DCAF10: variants seen among roughly 807,000 people sequenced by gnomAD.
The protein encoded by DCAF10 is DDB1- and CUL4-associated factor 10.
In DCAF10, 19 loss-of-function variants were observed where a neutral mutation model predicts 51.9. That is an observed-to-expected ratio of 0.37 (90% CI 0.26 to 0.54). The LOEUF is 0.54. Ranked by LOEUF, DCAF10 falls within the 20% of genes least tolerant of loss-of-function variation. The pLI, the probability that DCAF10 is intolerant of heterozygous loss-of-function variation, is 0.87. For missense variants in DCAF10, 510 were observed against 730.6 expected, an observed-to-expected ratio of 0.70 and a Z score of 3.48; for synonymous variants, 291 against 297.1, an observed-to-expected ratio of 0.98 and a Z score of 0.21.
At chr9:37,860,394 T>C in intron 6 of DCAF10, 1 of 595,986 alleles carries the variant, frequency 1.7e-6, no homozygotes, top group Non-Finnish European at 2.6e-6. Context: ...TTCTTATTCC[T>C]CTCCTGCTGG....
intron 2 of DCAF10, among the ~76,000 whole-genome samples, chr9:37,825,765 T>C (rs916741118): frequency 2.0e-5 from 3 of 152,158 alleles, no homozygotes; most frequent in Non-Finnish European, 4.4e-5. Flanking sequence ...ATGCCTGTAA[T>C]CCCAGCACTT....
rs980006024 is a variant in DCAF10, at chr9:37,864,581, C to G, written c.*3073C>G. 21 of 130,930 alleles carry G rather than the reference C, an allele frequency of 1.6e-4. No individual in the cohort carries two copies. Among genetic ancestry groups the G allele is most frequent in the African/African-American group, 5.9e-4 (19 of 32,032 alleles). 8.1% of individuals were successfully genotyped at this position (130,930 alleles called of 1,614,324 possible). On this transcript the variant is annotated 3_prime_UTR_variant, in exon 7 of 7. Coordinates refer to ENST00000377724, the MANE Select transcript of DCAF10 (RefSeq NM_024345.5). ...CCTGACCAGCAGAGCGAGACTCTGCCTCAAAAAAAAAAAAAAAAATAAAAT... is the reference window on the plus strand; with the variant it reads ...CCTGACCAGCAGAGCGAGACTCTGCGTCAAAAAAAAAAAAAAAAATAAAAT...
chr9:37,836,471 T>C, intron 2 of DCAF10: 1 of 1,168,726 alleles, frequency 8.6e-7, no homozygotes, highest in Non-Finnish European at 1.3e-6. Context: ...AAGTGGAGAG[T>C]GCTTCCAGCT....
chr9:37,816,774 T>G (rs898948295), intron 1 of DCAF10, among the ~76,000 whole-genome samples: 1 of 152,080 alleles, frequency 6.6e-6, no homozygotes, highest in African/African-American at 2.4e-5. Flanking sequence ...AGAAAATCTT[T>G]AATGTGTGGG....
chr9:37,814,080 C>CTATATATATATATATATATA (rs58660288), intron 1 of DCAF10, among the ~76,000 whole-genome samples: 1 of 47,108 alleles, frequency 2.1e-5, no homozygotes, highest in Non-Finnish European at 4.0e-5. Context: ...CTATTTGTCA[C>CTATATATATATATATATATA]TATATATATA....
Position 37,857,334 on chromosome 9 carries a change from G to C in DCAF10, c.1148G>C (p.Arg383Pro), listed in dbSNP as rs201789974. Residue 383 changes from arginine to proline, a missense_variant, in exon 5 of 7, where the codon CGA (arginine) becomes CCA (proline). Transcript: ENST00000377724. ...AATTCTTCTGAGAAACACATGTCAC[G>C]AGCCTCTCAAAGAGAAGGTAGGTTA... Reference protein sequence around the residue: ...DSNSSEKHMSRASQREGVSPR... With the variant: ...DSNSSEKHMSPASQREGVSPR... 6.0e-4 allele frequency: 958 copies of C among 1,604,488 alleles called. No homozygotes were observed. The highest frequency in any genetic ancestry group is 7.5e-4 in the Non-Finnish European group (878 of 1,177,034).
chr9:37,828,458 AG>A (rs201659726), intron 2 of DCAF10, among the ~76,000 whole-genome samples: 1,905 of 152,146 alleles, frequency 0.013, 40 homozygotes, highest in African/African-American at 0.044. Flanking sequence ...AAAAGAAAAA[AG>A]AAAAGGAAAA....
At chr9:37,852,948 ATATATATATATATATAT>A (rs1830718654) in intron 3 of DCAF10, among the ~76,000 whole-genome samples, 34 of 30,874 alleles carry the variant, frequency 1.1e-3, no homozygotes, top group African/African-American at 4.3e-3. Flanking sequence ...ATATATATAT[ATATATATATATATATAT>A]AAATTAGCTT....
In DCAF10 at chr9:37,800,818, T is replaced by A. The variant is rs1166011579; in HGVS notation, c.-49T>A. On this transcript the variant is annotated 5_prime_UTR_variant, in exon 1 of 7. Transcript: ENST00000377724. ...TGGCAGCTGAACAGGGGCACTGAGGTGTCGGCCGGCGGGGCAGTGGCCCGG... is the reference window on the plus strand; with the variant it reads ...TGGCAGCTGAACAGGGGCACTGAGGAGTCGGCCGGCGGGGCAGTGGCCCGG... 9 of 1,493,016 alleles carry A rather than the reference T, an allele frequency of 6.0e-6. No homozygotes were observed. The highest frequency in any genetic ancestry group is 1.4e-5 in the African/African-American group (1 of 71,750). The allele number at this position is 1,493,016 out of a possible 1,614,324, so 92.5% of individuals were successfully genotyped here.
intron 3 of DCAF10, among the ~76,000 whole-genome samples, chr9:37,844,043 AC>A (rs1368160364): frequency 3.3e-5 from 5 of 152,246 alleles, no homozygotes; most frequent in Admixed American, 3.3e-4. Flanking sequence ...AAAAAGCATT[AC>A]TGATAAAAAG....
chr9:37,834,651 A>C (rs1176973139), intron 2 of DCAF10, among the ~76,000 whole-genome samples: 1 of 152,206 alleles, frequency 6.6e-6, no homozygotes, highest in East Asian at 1.9e-4. Context: ...TGCATTAAGT[A>C]TTTTCTGTAG....
In DCAF10 at chr9:37,829,726, G is replaced by T. The variant is rs1829953070; in HGVS notation, c.653+10325G>T. Among the ~76,000 whole-genome samples the T allele has an allele frequency of 6.6e-6, 1 of 152,078 alleles. No homozygotes were observed. ...AATTTTTTTTTAATAATTGATGCAG[G>T]CTGGGCATGGTGGCTCATACCTGTA... is the stretch of plus-strand genomic sequence containing the variant. On this transcript the variant is annotated intron_variant, in intron 2 of 6. Transcript: ENST00000377724. The surrounding 1 kb of genome is among the most constrained non-coding windows in gnomAD (Gnocchi z 4.2).
chr9:37,801,719 A>G lies in DCAF10; in HGVS notation c.539+314A>G, dbSNP rs1828955590. ...CAACTAGGGCTTTCTGGTACACAGT[A>G]GGTGCTCAGTAAATACATTTTGAAT... On this transcript the variant is annotated intron_variant, in intron 1 of 6. Transcript: ENST00000377724. This position sits in a 1 kb window ranked among gnomAD's most constrained non-coding sequence, Gnocchi z 5.5. 6.6e-6 allele frequency among the ~76,000 whole-genome samples: 1 copy of G among 152,230 alleles called. No homozygotes were observed. Among genetic ancestry groups the G allele is most frequent in the African/African-American group, 2.4e-5 (1 of 41,474 alleles).
At chr9:37,807,060 A>T (rs1290203917) in intron 1 of DCAF10, among the ~76,000 whole-genome samples, 1 of 152,212 alleles carries the variant, frequency 6.6e-6, no homozygotes, top group East Asian at 1.9e-4. Context: ...ACAAATATTG[A>T]CTATATGAAA....
intron 2 of DCAF10, among the ~76,000 whole-genome samples, chr9:37,833,958 G>T (rs1391774564): frequency 6.6e-6 from 1 of 151,864 alleles, no homozygotes; most frequent in African/African-American, 2.4e-5. Context: ...CAATACCAAA[G>T]TTTTTTTTGT....
At chr9:37,821,287 T>C (rs1200267595) in intron 2 of DCAF10, among the ~76,000 whole-genome samples, 2 of 152,242 alleles carry the variant, frequency 1.3e-5, no homozygotes, top group African/African-American at 4.8e-5. Context: ...GAGAAACTTT[T>C]AAGCCTTTAA....
At chr9:37,840,015 T>C (rs893205981) in intron 2 of DCAF10, among the ~76,000 whole-genome samples, 2 of 152,146 alleles carry the variant, frequency 1.3e-5, no homozygotes, top group Admixed American at 6.6e-5. Context: ...TTAAGTATTA[T>C]GATAGAAGCT....
chr9:37,843,893 A>G (rs1389530827), intron 3 of DCAF10, among the ~76,000 whole-genome samples: 1 of 152,206 alleles, frequency 6.6e-6, no homozygotes, highest in Middle Eastern at 3.2e-3. Flanking sequence ...ACAGAACTGT[A>G]TTTTCTTTGT....
In DCAF10 at chr9:37,850,952, C is replaced by A. The variant is rs551375517; in HGVS notation, c.852-3828C>A. Among the ~76,000 whole-genome samples, 4 of 147,418 alleles carry A rather than the reference C, an allele frequency of 2.7e-5. No homozygotes were observed. The East Asian group carries it at 8.4e-4, about 31-fold the overall frequency. Reference sequence around the variant, plus strand: ...TATCATGTACACCATTAAAAAAACTCATTTTTTTAGGCCTGGTGCGGTAGC... The same window carrying A: ...TATCATGTACACCATTAAAAAAACTAATTTTTTTAGGCCTGGTGCGGTAGC... On this transcript the variant is annotated intron_variant, in intron 3 of 6. Coordinates refer to ENST00000377724, the MANE Select transcript of DCAF10 (RefSeq NM_024345.5).
Sources: gnomAD v4.1 joint callset for allele counts (sites outside exome capture counted in the v4.1 genomes callset) on GRCh38, gnomAD v4.1.1 for gene constraint, Gnocchi (gnomAD v3.1) non-coding constraint, MANE v1.5 for transcripts, NCBI Gene and HGNC (gene_info 2026-07-23, HGNC 2026-07-21) for gene names.